The following TSPEAR variants were observed in gnomAD, a reference collection of about 807,000 sequenced individuals.
TSPEAR encodes thrombospondin type laminin G domain and EAR repeats, also known as thrombospondin-type laminin G domain and EAR repeat-containing protein.
Under a neutral mutation model 71.6 loss-of-function variants are expected in TSPEAR, and 69 were observed. That is an observed-to-expected ratio of 0.96 (90% CI 0.79 to 1.18). TSPEAR has a LOEUF of 1.18. Among genes scored for constraint, TSPEAR ranks in the 50% most tolerant of loss-of-function variants. TSPEAR has a pLI of 0.00. For synonymous variants in TSPEAR, 402 were observed against 387.2 expected (o/e 1.04, Z -0.45); for missense variants, 971 against 894.9 (o/e 1.09, Z -1.09).
chr21:44,680,153 T>C (rs1201573687), intron 1 of TSPEAR, among the ~76,000 whole-genome samples: 2 of 152,192 alleles, frequency 1.3e-5, no homozygotes, highest in Non-Finnish European at 2.9e-5. Flanking sequence ...AAGTGACTAA[T>C]ATCCAGAATA....
intron 1 of TSPEAR, among the ~76,000 whole-genome samples, chr21:44,653,392 A>T (rs1296740836): frequency 1.3e-5 from 2 of 152,066 alleles, no homozygotes; most frequent in Non-Finnish European, 2.9e-5. Flanking sequence ...AGCCTCTGAC[A>T]GGGCTGCCCC....
chr21:44,528,479 C>T lies in TSPEAR; in HGVS notation c.895G>A (p.Gly299Ser), dbSNP rs2052901009. Residue 299 changes from glycine to serine, a missense_variant, in exon 6 of 12, where the codon GGC (glycine) becomes AGC (serine). Physicochemically the swap from Gly to Ser is moderately conservative, Grantham distance 56. Transcript: ENST00000323084. ...GCTAACACGGAGACCCACTCGTTGC[C>T]AACACACAGATACAGGCCCTTCCGG... is the stretch of plus-strand genomic sequence containing the variant. Reference protein sequence around the residue: ...ASRKGLYLCVGNEWVSVLAAK... With the variant: ...ASRKGLYLCVSNEWVSVLAAK... 1 of 1,613,902 alleles carries T rather than the reference C, an allele frequency of 6.2e-7. No individual in the cohort carries two copies. Among genetic ancestry groups the T allele is most frequent in the South Asian group, 1.1e-5 (1 of 91,082 alleles).
chr21:44,620,581 A>T (rs1982376752), intron 1 of TSPEAR, among the ~76,000 whole-genome samples: 1 of 152,210 alleles, frequency 6.6e-6, no homozygotes, highest in South Asian at 2.1e-4. Flanking sequence ...GTCTAGACAG[A>T]GGTTTGTCAA....
At chr21:44,681,610 G>A in intron 1 of TSPEAR, 1 of 535,788 alleles carries the variant, frequency 1.9e-6, no homozygotes, top group Non-Finnish European at 3.2e-6. Flanking sequence ...TGACTCTCAT[G>A]GGGTCAGAGA....
intron 1 of TSPEAR, among the ~76,000 whole-genome samples, chr21:44,597,437 C>CTTTTTTTTT (rs56129761): frequency 5.0e-5 from 6 of 119,216 alleles, no homozygotes; most frequent in African/African-American, 6.8e-5. Context: ...TCTTTCTTTT[C>CTTTTTTTTT]TTTTTTTTTT....
At chr21:44,653,660 C>T (rs1443816418) in intron 1 of TSPEAR, among the ~76,000 whole-genome samples, 4 of 152,198 alleles carry the variant, frequency 2.6e-5, no homozygotes, top group Non-Finnish European at 5.9e-5. Flanking sequence ...GCAGATGGCC[C>T]GTTTTACCTA....
At chr21:44,701,820 G>A (rs1555951564) in intron 1 of TSPEAR, among the ~76,000 whole-genome samples, 1 of 151,608 alleles carries the variant, frequency 6.6e-6, no homozygotes, top group African/African-American at 2.4e-5. Flanking sequence ...CACGGCTGTA[G>A]TGGTCCCCGT....
chr21:44,648,587 A>G (rs1984578408), intron 1 of TSPEAR, among the ~76,000 whole-genome samples: 1 of 152,242 alleles, frequency 6.6e-6, no homozygotes, highest in Non-Finnish European at 1.5e-5. Flanking sequence ...TTTCCACCTC[A>G]CCACTAACCA....
At chr21:44,630,673 G>A (rs918342504) in intron 1 of TSPEAR, among the ~76,000 whole-genome samples, 6 of 151,350 alleles carry the variant, frequency 4.0e-5, no homozygotes, top group African/African-American at 1.2e-4. Flanking sequence ...TGAAGGGGAA[G>A]GCAGGAAGTG....
chr21:44,702,416 A>T (rs12483477), intron 1 of TSPEAR: 1 of 1,437,192 alleles, frequency 7.0e-7, no homozygotes, highest in South Asian at 1.2e-5. Flanking sequence ...TGCTGCCAGC[A>T]GTCTAGCTGC....
At position 44,612,096 on chromosome 21, in the gene TSPEAR, C is replaced by A; in HGVS notation, c.83-44091G>T. On this transcript the variant is annotated intron_variant, in intron 1 of 11. Transcript: ENST00000323084. The surrounding 1 kb of genome is among the most constrained non-coding windows in gnomAD (Gnocchi z 4.1). Reference sequence around the variant, plus strand: ...GCACTCACACCACCCAGTCCAGCACCCACCATGGCTGACGCCTGCTGCACC... The same window carrying A: ...GCACTCACACCACCCAGTCCAGCACACACCATGGCTGACGCCTGCTGCACC... 6.2e-7 allele frequency: 1 copy of A among 1,612,186 alleles called. No homozygotes were observed. Among genetic ancestry groups the A allele is most frequent in the Non-Finnish European group, 8.5e-7 (1 of 1,178,902 alleles).
chr21:44,684,701 G>A (rs1340764074), intron 1 of TSPEAR, among the ~76,000 whole-genome samples: 1 of 152,224 alleles, frequency 6.6e-6, no homozygotes, highest in Non-Finnish European at 1.5e-5. Context: ...TAAGGGCCAG[G>A]CAACGTGCAC....
intron 1 of TSPEAR, among the ~76,000 whole-genome samples, chr21:44,615,800 G>C (rs1025276417): frequency 6.6e-5 from 10 of 152,224 alleles, no homozygotes; most frequent in Admixed American, 6.5e-4. Context: ...ATTGGAATCA[G>C]ATAGGTCTGT....
chr21:44,618,553 G>A (rs1982251093), intron 1 of TSPEAR, among the ~76,000 whole-genome samples: 1 of 152,212 alleles, frequency 6.6e-6, no homozygotes, highest in African/African-American at 2.4e-5. Context: ...AGCCCAATAG[G>A]AGAACCTTGT....
chr21:44,679,533 A>G (rs587673359), intron 1 of TSPEAR, among the ~76,000 whole-genome samples: 1 of 152,360 alleles, frequency 6.6e-6, no homozygotes, highest in South Asian at 2.1e-4. Context: ...GTTTCACAGA[A>G]GTAGAAAAAA....
At chr21:44,578,150 T>A (rs59464027) in intron 1 of TSPEAR, among the ~76,000 whole-genome samples, 8,354 of 152,268 alleles carry the variant, frequency 0.055, 686 homozygotes, top group African/African-American at 0.18. Flanking sequence ...CAGTCTTGGG[T>A]ATGTCTTTAT....
At chr21:44,637,898 T>A in intron 1 of TSPEAR, 1 of 1,532,410 alleles carries the variant, frequency 6.5e-7, no homozygotes, top group Non-Finnish European at 8.9e-7. Flanking sequence ...TGTGCCTGTG[T>A]GCTCTGGGGC....
intron 1 of TSPEAR, chr21:44,602,008 G>A (rs1980968625): frequency 3.5e-6 from 2 of 576,308 alleles, no homozygotes; most frequent in African/African-American, 3.8e-5. Flanking sequence ...ATAGCCCGGT[G>A]TGGGGAGAAA....
chr21:44,518,699 A>T, intron 9 of TSPEAR: 1 of 470,688 alleles, frequency 2.1e-6, no homozygotes, highest in Non-Finnish European at 4.4e-6. Flanking sequence ...TCGTTAGATG[A>T]TTGGAAGTGA....
Sources: allele counts gnomAD v4.1 joint callset (sites outside exome capture counted in the v4.1 genomes callset), GRCh38; gene constraint gnomAD v4.1.1; non-coding constraint Gnocchi (gnomAD v3.1); transcripts MANE v1.5; gene names NCBI Gene and HGNC (gene_info 2026-07-23, HGNC 2026-07-21).